MCF2L: variants seen among roughly 807,000 people sequenced by gnomAD.
MCF2L encodes guanine nucleotide exchange factor DBS.
MCF2L carries 97 observed loss-of-function variants against 153.4 expected under a neutral mutation model. The observed-to-expected ratio is 0.63, with a 90% confidence interval of 0.54 to 0.75. MCF2L has a LOEUF of 0.75. Ranked by LOEUF, MCF2L falls within the 30% of genes least tolerant of loss-of-function variation. The pLI is 0.00. For missense variants in MCF2L, 1,347 were observed against 1,495.2 expected, an observed-to-expected ratio of 0.90 and a Z score of 1.64; for synonymous variants, 659 against 632.2, an observed-to-expected ratio of 1.04 and a Z score of -0.64.
intron 5 of MCF2L, among the ~76,000 whole-genome samples, chr13:113,063,421 C>A (rs577749872): frequency 1.6e-5 from 2 of 122,006 alleles, no homozygotes; most frequent in African/African-American, 5.7e-5. Flanking sequence ...CACCCCTGTC[C>A]ACACAGCCGC....
intron 1 of MCF2L, among the ~76,000 whole-genome samples, chr13:112,900,736 G>A (rs1890202): frequency 0.49 from 73,892 of 151,854 alleles, 18,322 homozygotes; most frequent in East Asian, 0.65. Flanking sequence ...TTGGCGATGG[G>A]TATCACCCTG....
At position 112,916,173 on chromosome 13, in the gene MCF2L, A is replaced by G. The variant is rs181980732; in HGVS notation, c.169+13802A>G. On this transcript the variant is annotated intron_variant, in intron 2 of 29. Transcript: ENST00000375608. Reference sequence around the variant, plus strand: ...CAGTGAGCTGAGATTGCGCCACTATACTCTAGCCTGGGGACAGGGCCTCTG... The same window carrying G: ...CAGTGAGCTGAGATTGCGCCACTATGCTCTAGCCTGGGGACAGGGCCTCTG... Among the ~76,000 whole-genome samples the G allele has an allele frequency of 2.3e-3, 343 of 147,594 alleles. 2 individuals carry two copies. The highest frequency in any genetic ancestry group is 3.9e-3 in the Non-Finnish European group (263 of 67,976).
intron 1 of MCF2L, among the ~76,000 whole-genome samples, chr13:112,995,274 C>A (rs1398483124): frequency 1.3e-5 from 2 of 152,212 alleles, no homozygotes; most frequent in African/African-American, 4.8e-5. Flanking sequence ...GGGGCTCGCT[C>A]TCGAGCCTGT....
chr13:112,987,080 T>A (rs1472609739), intron 1 of MCF2L, among the ~76,000 whole-genome samples: 1 of 146,906 alleles, frequency 6.8e-6, no homozygotes. Context: ...GGTGGGTCCT[T>A]TTACACAGAT....
chr13:112,971,053 A>G (rs55804996), intron 1 of MCF2L, among the ~76,000 whole-genome samples: 35,421 of 152,146 alleles, frequency 0.23, 4,285 homozygotes, highest in Middle Eastern at 0.28. Context: ...CCACCCATTA[A>G]CACTGGCCTC....
chr13:113,061,652 C>T (rs1003531847), intron 5 of MCF2L, among the ~76,000 whole-genome samples: 1 of 148,012 alleles, frequency 6.8e-6, no homozygotes, highest in East Asian at 2.1e-4. Context: ...GGGAAGAAAA[C>T]GGCCTGGGGC....
rs1566732106 is a variant in MCF2L at position 113,011,626 on chromosome 13, G to GGTGTGGACGGTGGACAGGCA, written c.80-3120_80-3101dup. Among the ~76,000 whole-genome samples the GGTGTGGACGGTGGACAGGCA allele has an allele frequency of 2.9e-3, 429 of 149,694 alleles. 6 individuals carry two copies. The highest frequency in any genetic ancestry group is 0.01 in the African/African-American group (409 of 40,218). On this transcript the variant is annotated intron_variant, in intron 1 of 29. Coordinates refer to ENST00000535094, the MANE Select transcript of MCF2L (RefSeq NM_001112732.3). ...ACTGCAGTGTGGATGGTGGACAGGT[G>GGTGTGGACGGTGGACAGGCA]GTGTGGACGGTGGACAGGCAGTGTG... is the stretch of plus-strand genomic sequence containing the variant.
chr13:112,898,180 T>A (rs1331039232), intron 1 of MCF2L, among the ~76,000 whole-genome samples: 1 of 152,170 alleles, frequency 6.6e-6, no homozygotes, highest in Non-Finnish European at 1.5e-5. Context: ...CTATCTTTAG[T>A]GCCCAGTGCC....
At chr13:112,899,567 C>G (rs1266201061) in intron 1 of MCF2L, among the ~76,000 whole-genome samples, 2 of 152,200 alleles carry the variant, frequency 1.3e-5, no homozygotes, top group African/African-American at 4.8e-5. Context: ...ACTCTGGTGT[C>G]CTTCACCACG....
At chr13:112,901,526 G>A (rs184389044) in intron 1 of MCF2L, among the ~76,000 whole-genome samples, 658 of 152,316 alleles carry the variant, frequency 4.3e-3, no homozygotes, top group Non-Finnish European at 7.4e-3. Context: ...GTGGGAAGTA[G>A]CAGTGAGCCA....
At chr13:113,025,803 T>C (rs2141300433) in intron 3 of MCF2L, among the ~76,000 whole-genome samples, 1 of 147,410 alleles carries the variant, frequency 6.8e-6, no homozygotes, top group Non-Finnish European at 1.5e-5. Context: ...TGTCATGGGG[T>C]CCCCGTGACT....
At chr13:112,938,642 A>G (rs565393312) in intron 2 of MCF2L, among the ~76,000 whole-genome samples, 1 of 152,258 alleles carries the variant, frequency 6.6e-6, no homozygotes, top group East Asian at 1.9e-4. Flanking sequence ...ATCAATTTGA[A>G]AATTGAACAC....
In MCF2L at chr13:113,066,031, G is replaced by A; in HGVS notation, c.757-15G>A. 6.2e-7 allele frequency: 1 copy of A among 1,611,552 alleles called. No individual in the cohort carries two copies. On this transcript the variant is annotated splice_polypyrimidine_tract_variant and intron_variant, in intron 7 of 29. Transcript: ENST00000535094. ...CTGGACGGGGCCGGGACATGAGGCT[G>A]CATTCTCTCCACAGGAGGATTTGAG...
chr13:112,985,509 C>T (rs895651428), intron 1 of MCF2L: 4 of 469,936 alleles, frequency 8.5e-6, no homozygotes, highest in African/African-American at 2.0e-5. Flanking sequence ...GTGAGTCCCT[C>T]GCAGGTGGTG....
rs766191701 is a variant in MCF2L at position 112,979,769 on chromosome 13, A to AT, written c.79+10312dup. ...GGCGCTCGAGGCCAGGTGAGATACA[A>AT]TGGGGTCGCAGGGCATGGGGGCAGG... On this transcript the variant is annotated intron_variant, in intron 1 of 29. Transcript: ENST00000535094. 17 of 1,607,998 alleles carry AT rather than the reference A, an allele frequency of 1.1e-5. No homozygotes were observed. In the African/African-American group the frequency reaches 2.3e-4, roughly 21 times the overall value.
chr13:112,953,265 T>G (rs1594375612), intron 2 of MCF2L, among the ~76,000 whole-genome samples: 1 of 152,290 alleles, frequency 6.6e-6, no homozygotes, highest in East Asian at 1.9e-4. Flanking sequence ...ATCTGACAAC[T>G]GTGTCAGCCT....
intron 27 of MCF2L, chr13:113,095,739 C>T: frequency 2.0e-6 from 2 of 995,952 alleles, no homozygotes; most frequent in Non-Finnish European, 2.4e-6. Context: ...CAGCCCACCA[C>T]ACGCAGCACC....
chr13:113,092,905 G>A (rs1032857862), intron 26 of MCF2L, among the ~76,000 whole-genome samples: 1 of 152,240 alleles, frequency 6.6e-6, no homozygotes, highest in Non-Finnish European at 1.5e-5. Flanking sequence ...GTGGTGCCAG[G>A]GGCAGAGTCG....
rs527852068 is a variant in MCF2L at position 113,070,548 on chromosome 13, G to A, written c.996+375G>A. Among the ~76,000 whole-genome samples the A allele has an allele frequency of 3.6e-4, 55 of 152,308 alleles. 1 individual carries two copies. The South Asian group carries it at 0.011, about 31-fold the overall frequency. On this transcript the variant is annotated intron_variant, in intron 9 of 29. Coordinates refer to ENST00000535094, the MANE Select transcript of MCF2L (RefSeq NM_001112732.3). The surrounding 1 kb of genome is among the most constrained non-coding windows in gnomAD (Gnocchi z 5.6). Reference sequence around the variant, plus strand: ...GACTGTAGGACGGCGTCACAGTCATGAGGTGCACAGCGACACGGCCAGTGC... The same window carrying A: ...GACTGTAGGACGGCGTCACAGTCATAAGGTGCACAGCGACACGGCCAGTGC...
Sources: allele counts gnomAD v4.1 joint callset (sites outside exome capture counted in the v4.1 genomes callset), GRCh38; gene constraint gnomAD v4.1.1; non-coding constraint Gnocchi (gnomAD v3.1); transcripts MANE v1.5; gene names NCBI Gene and HGNC (gene_info 2026-07-23, HGNC 2026-07-21).